UBR1: variants seen among roughly 807,000 people sequenced by gnomAD.
UBR1 encodes ubiquitin protein ligase E3 component n-recognin 1.
In UBR1, 102 loss-of-function variants were observed where a neutral mutation model predicts 242.1. That is an observed-to-expected ratio of 0.42 (90% CI 0.36 to 0.50). The LOEUF (loss-of-function observed/expected upper bound fraction) is 0.50. UBR1 is among the 20% of genes least tolerant of loss of function. UBR1 has a pLI of 0.01. For synonymous variants in UBR1, 675 were observed against 684.8 expected (o/e 0.99, Z 0.22); for missense variants, 1,772 against 2,101.8 (o/e 0.84, Z 3.07).
At chr15:42,953,755 T>G (rs183874967) in intron 44 of UBR1, among the ~76,000 whole-genome samples, 57 of 152,254 alleles carry the variant, frequency 3.7e-4, no homozygotes, top group African/African-American at 1.3e-3. Context: ...CTGGAAGACA[T>G]CATAGGATTG....
intron 5 of UBR1, among the ~76,000 whole-genome samples, chr15:43,069,912 G>GCC (rs1457359757): frequency 3.3e-5 from 5 of 152,150 alleles, no homozygotes; most frequent in African/African-American, 4.8e-5. Flanking sequence ...TAACATATTT[G>GCC]TGGATGCAGT....
chr15:42,987,147 G>A (rs547237910), intron 35 of UBR1, among the ~76,000 whole-genome samples: 95 of 152,338 alleles, frequency 6.2e-4, no homozygotes, highest in Non-Finnish European at 1.1e-3. Flanking sequence ...CCACAGGGGC[G>A]GCTTTGCCCA....
chr15:43,007,172 T>C lies in UBR1; in HGVS notation c.3322A>G (p.Lys1108Glu), dbSNP rs1357498324. 6.2e-7 allele frequency: 1 copy of C among 1,614,076 alleles called. No individual in the cohort carries two copies. Among genetic ancestry groups the C allele is most frequent in the East Asian group, 2.2e-5 (1 of 44,892 alleles). The stretch of plus-strand genomic sequence containing the variant: ...AATACCATGGCATTATTTTCTATTT[T>C]CACCTCCTGTTCTTCTTGGCAAAGG... ...CILCQEEQEVKIENNAMVLSA... is the reference protein window; with the variant it reads ...CILCQEEQEVEIENNAMVLSA... Residue 1108 changes from lysine (K) to glutamate (E), a missense_variant, in exon 30 of 47, where the codon AAA (lysine) becomes GAA (glutamate). This residue lies in a region of UBR1 where 965 missense variants were observed against 1,079.7 expected (regional missense o/e 0.89). Coordinates refer to ENST00000290650, the MANE Select transcript of UBR1 (RefSeq NM_174916.3).
chr15:43,022,944 C>A, intron 25 of UBR1, 143 bp from the exon 26 acceptor site: 1 of 546,674 alleles, frequency 1.8e-6, no homozygotes, highest in Non-Finnish European at 3.2e-6. Flanking sequence ...CTTACTGCAG[C>A]CTTAAGCTCT....
chr15:42,953,914 G>C (rs942377791), intron 44 of UBR1, among the ~76,000 whole-genome samples: 5 of 149,022 alleles, frequency 3.4e-5, no homozygotes, highest in Non-Finnish European at 7.4e-5. Context: ...ACAGGGTCTG[G>C]CTCTGTCACC....
Position 42,957,950 on chromosome 15 carries a change from T to C in UBR1, c.4835+63A>G, listed in dbSNP as rs2031950203. The C allele has an allele frequency of 1.2e-5, 17 of 1,365,206 alleles. No individual in the cohort carries two copies. The South Asian group carries it at 2.0e-4, about 16-fold the overall frequency. 84.6% of individuals were successfully genotyped at this position (1,365,206 alleles called of 1,614,324 possible). A position where few individuals can be genotyped will look rare whatever the true frequency, so the allele number is the denominator to read the frequency against. ...AAGGAAGTGTGTTAGTTATGGCATA[T>C]ACCAATTGCGAGTTCAGAAAATGAT... On this transcript the variant is annotated intron_variant, in intron 44 of 46. Coordinates refer to ENST00000290650, the MANE Select transcript of UBR1 (RefSeq NM_174916.3).
At position 42,945,120 on chromosome 15, in the gene UBR1, G is replaced by A; in HGVS notation, c.*209C>T. ...CCTGGAAATACTAGCACATAAAACA[G>A]ATTGATCTATGTCCTTTTTTCCTGT... is the stretch of plus-strand genomic sequence containing the variant. On this transcript the variant is annotated 3_prime_UTR_variant, in exon 47 of 47. Transcript: ENST00000290650. 1 of 619,902 alleles carries A rather than the reference G, an allele frequency of 1.6e-6. No individual in the cohort carries two copies. Among genetic ancestry groups the A allele is most frequent in the South Asian group, 1.9e-5 (1 of 51,672 alleles). 38.4% of individuals were successfully genotyped at this position (619,902 alleles called of 1,614,324 possible). A position where few individuals can be genotyped will look rare whatever the true frequency, so the allele number is the denominator to read the frequency against.
intron 37 of UBR1, among the ~76,000 whole-genome samples, chr15:42,979,861 A>G (rs920486598): frequency 7.9e-5 from 12 of 152,278 alleles, no homozygotes; most frequent in African/African-American, 2.4e-4. Context: ...CCAGGTCAAC[A>G]TATGAATTTA....
chr15:42,984,871 G>C lies in UBR1; in HGVS notation c.4053+16C>G. The C allele has an allele frequency of 6.2e-7, 1 of 1,605,672 alleles. No homozygotes were observed. The highest frequency in any genetic ancestry group is 8.5e-7 in the Non-Finnish European group (1 of 1,173,092). ...GCATGCCATGAGTTACATGTACCTT[G>C]TTGGAATATACATACCTGCCTATTT... is the stretch of plus-strand genomic sequence containing the variant. On this transcript the variant is annotated intron_variant, in intron 36 of 46. Transcript: ENST00000290650.
At chr15:43,035,560 T>C (rs1240861203) in intron 19 of UBR1, among the ~76,000 whole-genome samples, 5 of 149,828 alleles carry the variant, frequency 3.3e-5, no homozygotes, top group Non-Finnish European at 5.9e-5. Flanking sequence ...GCGAAAATTT[T>C]CTCCCATTTT....
At position 43,011,777 on chromosome 15, in the gene UBR1, C is replaced by G. The variant is rs117422009; in HGVS notation, c.3209+3911G>C. 6.9e-3 allele frequency: 2,186 copies of G among 318,206 alleles called. 21 individuals carry two copies. Among genetic ancestry groups the G allele is most frequent in the South Asian group, 0.015 (536 of 36,862 alleles). 19.7% of individuals were successfully genotyped at this position (318,206 alleles called of 1,614,324 possible). On this transcript the variant is annotated intron_variant, in intron 29 of 46. Transcript: ENST00000290650. ...ACTTACTGGACTCCTTGACTAAGTA[C>G]TTGCAGAGTTCCACAAGGAGACACA...
At chr15:43,044,418 A>C (rs2033458059) in intron 14 of UBR1, among the ~76,000 whole-genome samples, 1 of 152,232 alleles carries the variant, frequency 6.6e-6, no homozygotes, top group African/African-American at 2.4e-5. Context: ...TTAGAATTAT[A>C]AAATATATTT....
intron 19 of UBR1, among the ~76,000 whole-genome samples, chr15:43,034,595 C>T (rs1041715317): frequency 1.3e-5 from 2 of 151,852 alleles, no homozygotes; most frequent in African/African-American, 4.8e-5. Context: ...TATTAAGAGC[C>T]TGAAGAAAAA....
chr15:42,972,170 CCT>C (rs1313336121), intron 39 of UBR1, among the ~76,000 whole-genome samples: 1 of 152,176 alleles, frequency 6.6e-6, no homozygotes, highest in East Asian at 1.9e-4. Context: ...CTATGCTGTG[CCT>C]ATTCAGCCCT....
intron 30 of UBR1, among the ~76,000 whole-genome samples, chr15:43,004,818 G>A (rs2032782267): frequency 1.3e-5 from 2 of 152,158 alleles, no homozygotes; most frequent in Admixed American, 6.5e-5. Context: ...GGGAAGTGAG[G>A]AGCGGCTCTG....
intron 10 of UBR1, 119 bp downstream of exon 10, chr15:43,058,222 T>C: frequency 1.2e-6 from 1 of 842,376 alleles, no homozygotes; most frequent in Non-Finnish European, 1.9e-6. Flanking sequence ...GAACAAACTT[T>C]TGACAAAGAA....
intron 35 of UBR1, chr15:42,988,585 TA>T (rs2032510265): frequency 3.7e-6 from 2 of 541,638 alleles, no homozygotes; most frequent in Non-Finnish European, 6.4e-6. Flanking sequence ...CCCAGCTTTT[TA>T]AAAATATTTT....
At chr15:42,971,116 A>G (rs2032200109) in intron 39 of UBR1, among the ~76,000 whole-genome samples, 2 of 152,204 alleles carry the variant, frequency 1.3e-5, no homozygotes, top group African/African-American at 4.8e-5. Context: ...GAATCACTAA[A>G]CATGGATGTT....
At chr15:43,038,081 GT>G in intron 16 of UBR1, 89 bp downstream of exon 16, 2 of 1,458,806 alleles carry the variant, frequency 1.4e-6, no homozygotes, top group South Asian at 2.3e-5. Flanking sequence ...CCTCAGGTGG[GT>G]TTCTAAATAT....
Sources: allele counts gnomAD v4.1 joint callset (sites outside exome capture counted in the v4.1 genomes callset), GRCh38; gene constraint gnomAD v4.1.1; regional missense constraint gnomAD v4.1.1; transcripts MANE v1.5; gene names NCBI Gene and HGNC (gene_info 2026-07-23, HGNC 2026-07-21).